The following PTK2 variants were observed in gnomAD, a reference collection of about 807,000 sequenced individuals.
PTK2 encodes focal adhesion kinase 1.
PTK2 carries 45 observed loss-of-function variants against 150.1 expected under a neutral mutation model. The ratio of observed to expected loss-of-function variants is 0.30; its 90% CI spans 0.24 to 0.38. The LOEUF (loss-of-function observed/expected upper bound fraction) is 0.38. Among genes scored for constraint, PTK2 ranks in the 10% least tolerant of loss-of-function variants. The pLI is 1.00. For missense variants in PTK2, 919 were observed against 1,307.3 expected (o/e 0.70, Z 4.58); for synonymous variants, 432 against 449.2 (o/e 0.96, Z 0.48).
chr8:140,865,481 T>C (rs527989328), intron 4 of PTK2, among the ~76,000 whole-genome samples: 1 of 152,374 alleles, frequency 6.6e-6, no homozygotes, highest in South Asian at 2.1e-4. Flanking sequence ...TTAGACATAG[T>C]GAATATCCTC....
chr8:140,806,916 G>T (rs1433427203), intron 10 of PTK2, among the ~76,000 whole-genome samples: 3 of 152,304 alleles, frequency 2.0e-5, no homozygotes, highest in East Asian at 1.9e-4. Context: ...CAAACACTCA[G>T]ATACTCTCTC....
At chr8:140,787,536 G>C (rs528195493) in intron 14 of PTK2, among the ~76,000 whole-genome samples, 77 of 152,314 alleles carry the variant, frequency 5.1e-4, no homozygotes, top group African/African-American at 1.8e-3. Flanking sequence ...TAAAATCCAA[G>C]TTTGGTGATG....
chr8:140,784,355 A>C (rs972303634), intron 14 of PTK2, among the ~76,000 whole-genome samples: 2 of 152,152 alleles, frequency 1.3e-5, no homozygotes, highest in African/African-American at 4.8e-5. Context: ...TGGTATTACT[A>C]TCATGTGTTA....
Position 140,781,906 on chromosome 8 carries a change from G to A in PTK2, c.1177+7568C>T, listed in dbSNP as rs149222965. Among the ~76,000 whole-genome samples the A allele has an allele frequency of 4.5e-3, 686 of 152,332 alleles. 4 individuals carry two copies. The highest frequency in any genetic ancestry group is 0.016 in the African/African-American group (649 of 41,572). ...ATCTCAACAGTGGCAAAGGGAGTTC[G>A]AATGATGTAATGGTGGGAGAGGGAG... is the stretch of plus-strand genomic sequence containing the variant. On this transcript the variant is annotated intron_variant, in intron 14 of 31. Coordinates refer to ENST00000522684, the Ensembl canonical transcript of PTK2.
At chr8:140,876,895 T>G (rs552289094) in intron 4 of PTK2, among the ~76,000 whole-genome samples, 29 of 152,184 alleles carry the variant, frequency 1.9e-4, no homozygotes, top group African/African-American at 6.3e-4. Flanking sequence ...ACACTTAAAT[T>G]CCTCCCCTTT....
chr8:140,855,153 A>G lies in PTK2; in HGVS notation c.451-8475T>C, dbSNP rs367877744. Among the ~76,000 whole-genome samples, 16 of 152,268 alleles carry G rather than the reference A, an allele frequency of 1.1e-4. No homozygotes were observed. The East Asian group carries it at 2.5e-3, about 24-fold the overall frequency. ...GGCATGAGCCACTGCATCTGGCCCC[A>G]TTAAAAATACTGATTCATTTACATA... On this transcript the variant is annotated intron_variant, in intron 5 of 31. Transcript: ENST00000522684.
Position 140,784,295 on chromosome 8 carries a change from T to C in PTK2, c.1177+5179A>G, listed in dbSNP as rs142855776. ...ATGAGAAAACTTGTATTATCTCTAG[T>C]GCCACATGTGTAGTCCAAACATGTA... is the stretch of plus-strand genomic sequence containing the variant. On this transcript the variant is annotated intron_variant, in intron 14 of 31. Coordinates refer to ENST00000522684, the Ensembl canonical transcript of PTK2. Among the ~76,000 whole-genome samples the C allele has an allele frequency of 3.9e-3, 594 of 152,344 alleles. 5 individuals carry two copies. The highest frequency in any genetic ancestry group is 0.014 in the African/African-American group (567 of 41,576).
intron 2 of PTK2, chr8:140,909,699 AT>A (rs1568663245): frequency 6.6e-6 from 1 of 152,232 alleles, no homozygotes; most frequent in African/African-American, 2.4e-5. Flanking sequence ...TCAACAGACA[AT>A]AACAGTTGTT....
At chr8:140,897,666 G>A (rs925843801) in intron 2 of PTK2, among the ~76,000 whole-genome samples, 47 of 152,164 alleles carry the variant, frequency 3.1e-4, no homozygotes, top group African/African-American at 1.1e-3. Context: ...ACTATAGAAT[G>A]ACAAGTCCCA....
At chr8:140,668,214 C>A in intron 30 of PTK2, 55 bp downstream of exon 34, 2 of 1,603,130 alleles carry the variant, frequency 1.2e-6, no homozygotes, top group African/African-American at 1.3e-5. Context: ...ACTGGCACCA[C>A]AGCTTACAGG....
intron 1 of PTK2, among the ~76,000 whole-genome samples, chr8:140,935,689 A>C (rs1412748153): frequency 1.5e-5 from 2 of 129,972 alleles, no homozygotes; most frequent in African/African-American, 5.6e-5. Context: ...CTCAATGCTC[A>C]GTATGTCCTC....
At chr8:140,994,416 T>C (rs1179879665) in intron 1 of PTK2, among the ~76,000 whole-genome samples, 1 of 152,264 alleles carries the variant, frequency 6.6e-6, no homozygotes, top group Non-Finnish European at 1.5e-5. Flanking sequence ...CAACAGCATG[T>C]GCTCACTTTG....
intron 1 of PTK2, among the ~76,000 whole-genome samples, chr8:140,953,081 A>G (rs2100180043): frequency 6.6e-6 from 1 of 152,202 alleles, no homozygotes; most frequent in South Asian, 2.1e-4. Context: ...TAATTTGATT[A>G]AAATTAAGGA....
At chr8:140,977,691 T>C (rs1177594175) in intron 1 of PTK2, among the ~76,000 whole-genome samples, 3 of 152,002 alleles carry the variant, frequency 2.0e-5, no homozygotes, top group Non-Finnish European at 4.4e-5. Flanking sequence ...AATGAGACTT[T>C]GCCTCAAAAT....
chr8:140,915,689 G>A (rs565719025), intron 2 of PTK2, among the ~76,000 whole-genome samples: 6 of 152,114 alleles, frequency 3.9e-5, no homozygotes, highest in African/African-American at 1.4e-4. Flanking sequence ...CTGAGGTCAG[G>A]AGGTCAAGAC....
chr8:140,989,031 A>G (rs1236935622), intron 1 of PTK2, among the ~76,000 whole-genome samples: 1 of 151,994 alleles, frequency 6.6e-6, no homozygotes, highest in Non-Finnish European at 1.5e-5. Flanking sequence ...GGAACTATAA[A>G]GGAAAAGACT....
chr8:140,974,943 C>G (rs376768847), intron 1 of PTK2, among the ~76,000 whole-genome samples: 27 of 152,276 alleles, frequency 1.8e-4, no homozygotes, highest in African/African-American at 5.5e-4. Flanking sequence ...CCTGGAATTA[C>G]GCTGGATTCC....
In PTK2 at chr8:140,800,339, A is replaced by G. The variant is rs553482049; in HGVS notation, c.1093+120T>C. On this transcript the variant is annotated intron_variant, in intron 12 of 31. Transcript: ENST00000522684. ...AAGTCCTCAGATTATACTGAGCTGA[A>G]TTATTCATTTGGTCTTCATTTTTAC... is the stretch of plus-strand genomic sequence containing the variant. 113 of 831,588 alleles carry G rather than the reference A, an allele frequency of 1.4e-4. No homozygotes were observed. The African/African-American group carries it at 1.7e-3, about 13-fold the overall frequency. 51.5% of individuals were successfully genotyped at this position (831,588 alleles called of 1,614,324 possible). A position where few individuals can be genotyped will look rare whatever the true frequency, so the allele number is the denominator to read the frequency against.
intron 7 of PTK2, among the ~76,000 whole-genome samples, chr8:140,841,075 G>C (rs985716522): frequency 6.6e-6 from 1 of 152,010 alleles, no homozygotes; most frequent in African/African-American, 2.4e-5. Flanking sequence ...AAAATATCAA[G>C]GAAAAATTAA....
Sources: allele counts gnomAD v4.1 joint callset (sites outside exome capture counted in the v4.1 genomes callset), GRCh38; gene constraint gnomAD v4.1.1; transcripts MANE v1.5; gene names NCBI Gene and HGNC (gene_info 2026-07-23, HGNC 2026-07-21).